Variants in PTPRD observed in about 807,000 individuals in gnomAD.
PTPRD encodes protein tyrosine phosphatase receptor type D.
A neutral mutation model predicts 214.5 loss-of-function variants in PTPRD; 34 were observed. That is an observed-to-expected ratio of 0.16 (90% CI 0.12 to 0.21). The LOEUF is 0.21. PTPRD is among the 10% of genes least tolerant of loss of function. The probability of loss-of-function intolerance (pLI) is 1.00; values close to 1 mark genes in which losing one functional copy is unlikely to be tolerated. For missense variants in PTPRD, 2,545 were observed against 2,398.7 expected, an observed-to-expected ratio of 1.06 and a Z score of -1.27; for synonymous variants, 1,128 against 845.7, an observed-to-expected ratio of 1.33 and a Z score of -5.79.
intron 7 of PTPRD, among the ~76,000 whole-genome samples, chr9:9,679,589 A>T (rs1043371427): frequency 1.3e-5 from 2 of 151,908 alleles, no homozygotes; most frequent in Non-Finnish European, 2.9e-5. Flanking sequence ...ACAGAATGAC[A>T]ACTGCAAATA....
intron 11 of PTPRD, among the ~76,000 whole-genome samples, chr9:8,968,990 G>T (rs144972914): frequency 6.6e-6 from 1 of 151,966 alleles, no homozygotes; most frequent in East Asian, 1.9e-4. Context: ...TTTATAATTA[G>T]ATTATTAAGC....
At chr9:10,523,800 T>C (rs1157827471) in intron 2 of PTPRD, among the ~76,000 whole-genome samples, 1 of 151,492 alleles carries the variant, frequency 6.6e-6, no homozygotes, top group Admixed American at 6.6e-5. Flanking sequence ...AAGTCAAACA[T>C]AATGCTGGTA....
chr9:8,991,847 T>C (rs111879087), intron 11 of PTPRD, among the ~76,000 whole-genome samples: 4,728 of 152,234 alleles, frequency 0.031, 115 homozygotes, highest in African/African-American at 0.062. Context: ...AAATTAAATA[T>C]GTCCCTCAAT....
intron 2 of PTPRD, among the ~76,000 whole-genome samples, chr9:10,540,751 T>C (rs1002538697): frequency 1.3e-5 from 2 of 152,206 alleles, no homozygotes; most frequent in Non-Finnish European, 2.9e-5. Flanking sequence ...CTCTCAAGGC[T>C]GAGGTTGAAA....
At chr9:9,235,936 A>C (rs1478179779) in intron 9 of PTPRD, among the ~76,000 whole-genome samples, 1 of 152,102 alleles carries the variant, frequency 6.6e-6, no homozygotes, top group Non-Finnish European at 1.5e-5. Context: ...TATTAGTCTG[A>C]GTCAATTCTA....
At chr9:10,157,844 T>A (rs993556201) in intron 3 of PTPRD, among the ~76,000 whole-genome samples, 1 of 152,152 alleles carries the variant, frequency 6.6e-6, no homozygotes, top group South Asian at 2.1e-4. Context: ...TATTTTTTAT[T>A]CTTTTTTCTC....
At chr9:9,363,847 T>A (rs1181233090) in intron 9 of PTPRD, among the ~76,000 whole-genome samples, 1 of 151,370 alleles carries the variant, frequency 6.6e-6, no homozygotes, top group African/African-American at 2.4e-5. Flanking sequence ...AGTAAATAAC[T>A]TTTTTGGTGT....
chr9:8,620,895 A>G (rs963565784), intron 14 of PTPRD, among the ~76,000 whole-genome samples: 7 of 152,022 alleles, frequency 4.6e-5, no homozygotes, highest in Non-Finnish European at 1.0e-4. Context: ...TTTTTCTTCA[A>G]TCATATGTAA....
intron 2 of PTPRD, among the ~76,000 whole-genome samples, chr9:10,452,642 A>T (rs142663960): frequency 1.3e-4 from 19 of 151,932 alleles, no homozygotes; most frequent in African/African-American, 4.1e-4. Flanking sequence ...ATGTCTATTC[A>T]TTTAAAAAAA....
intron 2 of PTPRD, among the ~76,000 whole-genome samples, chr9:10,557,377 T>C (rs2062849700): frequency 6.6e-6 from 1 of 152,144 alleles, no homozygotes; most frequent in Non-Finnish European, 1.5e-5. Flanking sequence ...GCAGCATTCT[T>C]TCTCTCTTTC....
intron 3 of PTPRD, among the ~76,000 whole-genome samples, chr9:10,129,779 G>A (rs2098845884): frequency 6.6e-6 from 1 of 151,718 alleles, no homozygotes; most frequent in Admixed American, 6.6e-5. Flanking sequence ...ATTTTACTTT[G>A]AATTTGCTAA....
At chr9:8,353,030 G>C (rs1443756122) in intron 39 of PTPRD, among the ~76,000 whole-genome samples, 2 of 152,098 alleles carry the variant, frequency 1.3e-5, no homozygotes, top group South Asian at 2.1e-4. Context: ...AGAATCGCTT[G>C]AACCCAGAAG....
At position 9,400,092 on chromosome 9, in the gene PTPRD, GTTT is replaced by G. The variant is rs3048790; in HGVS notation, c.-236-2613_-236-2611del. On this transcript the variant is annotated intron_variant, in intron 8 of 45. Transcript: ENST00000381196. Reference sequence around the variant, plus strand: ...AGTGTGGACCTAACTTTACCTACTAGTTTTTTTTTTTTTTTTTTGGACTGGCAC... The same window carrying G: ...AGTGTGGACCTAACTTTACCTACTAGTTTTTTTTTTTTTTTGGACTGGCAC... Among the ~76,000 whole-genome samples the G allele has an allele frequency of 5.9e-3, 593 of 101,074 alleles. 8 individuals carry two copies. Among genetic ancestry groups the G allele is most frequent in the African/African-American group, 0.018 (412 of 22,450 alleles). 66.3% of individuals were successfully genotyped at this position (101,074 alleles called of 152,430 possible). A position where few individuals can be genotyped will look rare whatever the true frequency, so the allele number is the denominator to read the frequency against.
chr9:9,714,893 G>A (rs1386315540), intron 7 of PTPRD, among the ~76,000 whole-genome samples: 1 of 152,150 alleles, frequency 6.6e-6, no homozygotes, highest in Admixed American at 6.5e-5. Context: ...GTGGTAAATA[G>A]GGGGGTAAAT....
At chr9:8,821,911 C>G (rs146885369) in intron 11 of PTPRD, among the ~76,000 whole-genome samples, 5 of 152,306 alleles carry the variant, frequency 3.3e-5, no homozygotes, top group Non-Finnish European at 4.4e-5. Context: ...GATCCACCCA[C>G]CTCGGTCTCT....
chr9:8,712,222 G>C (rs1027114074), intron 12 of PTPRD, among the ~76,000 whole-genome samples: 4 of 152,192 alleles, frequency 2.6e-5, no homozygotes, highest in African/African-American at 9.7e-5. Context: ...GCTGTCCTTA[G>C]TAATTTTGGT....
At chr9:9,846,144 C>T (rs2059487351) in intron 5 of PTPRD, among the ~76,000 whole-genome samples, 1 of 152,026 alleles carries the variant, frequency 6.6e-6, no homozygotes, top group South Asian at 2.1e-4. Flanking sequence ...TATGCTTCCT[C>T]CCTCCCCAAG....
chr9:9,332,065 T>A (rs2042523542), intron 9 of PTPRD, among the ~76,000 whole-genome samples: 1 of 152,050 alleles, frequency 6.6e-6, no homozygotes, highest in Admixed American at 6.6e-5. Flanking sequence ...GCTAGTCTGT[T>A]CACATGTAGA....
intron 3 of PTPRD, among the ~76,000 whole-genome samples, chr9:10,306,128 T>C (rs556423721): frequency 6.6e-6 from 1 of 151,938 alleles, no homozygotes; most frequent in South Asian, 2.1e-4. Flanking sequence ...TGCAGGGACA[T>C]GGATGAAGCT....
Sources: allele counts gnomAD v4.1 joint callset (sites outside exome capture counted in the v4.1 genomes callset), GRCh38; gene constraint gnomAD v4.1.1; transcripts MANE v1.5; gene names NCBI Gene and HGNC (gene_info 2026-07-23, HGNC 2026-07-21).